The following ARL15 variants were observed in gnomAD, a reference collection of about 807,000 sequenced individuals.
ARL15 encodes the protein ADP-ribosylation factor-like protein 15.
ARL15 carries 19 observed loss-of-function variants against 25.2 expected under a neutral mutation model. The ratio of observed to expected loss-of-function variants is 0.75; its 90% CI spans 0.53 to 1.10. The LOEUF (loss-of-function observed/expected upper bound fraction) is 1.10. Ranked by LOEUF, ARL15 falls within the 50% of genes least tolerant of loss-of-function variation. ARL15 has a pLI of 0.00. For missense variants in ARL15, 220 were observed against 246.0 expected (o/e 0.89, Z 0.71); for synonymous variants, 94 against 86.8 (o/e 1.08, Z -0.46).
chr5:53,904,824 G>T (rs940784802), intron 4 of ARL15, among the ~76,000 whole-genome samples: 3 of 151,208 alleles, frequency 2.0e-5, no homozygotes, highest in East Asian at 1.9e-4. Flanking sequence ...TGCCTCCCGG[G>T]TTCAAGCAAT....
intron 4 of ARL15, among the ~76,000 whole-genome samples, chr5:53,985,671 A>C (rs916533680): frequency 6.6e-6 from 1 of 152,154 alleles, no homozygotes; most frequent in African/African-American, 2.4e-5. Flanking sequence ...ATAACATTCC[A>C]TTGCATGTGT....
intron 4 of ARL15, among the ~76,000 whole-genome samples, chr5:53,910,355 C>T (rs1275438825): frequency 1.3e-5 from 2 of 152,040 alleles, no homozygotes; most frequent in Non-Finnish European, 2.9e-5. Flanking sequence ...TGAAGGCTAC[C>T]AAATCACTTT....
chr5:54,194,260 A>C (rs1755491147), intron 1 of ARL15, among the ~76,000 whole-genome samples: 1 of 152,162 alleles, frequency 6.6e-6, no homozygotes, highest in African/African-American at 2.4e-5. Context: ...GCATGGACCC[A>C]CTGCGATGTT....
chr5:54,202,733 T>A (rs1486007612), intron 1 of ARL15, among the ~76,000 whole-genome samples: 1 of 152,208 alleles, frequency 6.6e-6, no homozygotes, highest in African/African-American at 2.4e-5. Flanking sequence ...TTCAGTTATA[T>A]AAAAGGTCAT....
At chr5:54,249,465 A>G (rs972934684) in intron 1 of ARL15, among the ~76,000 whole-genome samples, 3 of 152,178 alleles carry the variant, frequency 2.0e-5, no homozygotes, top group Admixed American at 2.0e-4. Flanking sequence ...AGTGAAGATA[A>G]CAGAGAAAAA....
rs374472790 is a variant in ARL15 at position 54,047,415 on chromosome 5, C to G, written c.462+65787G>C. On this transcript the variant is annotated intron_variant, in intron 4 of 4. Transcript: ENST00000504924. The stretch of plus-strand genomic sequence containing the variant: ...TCCTACTGCATGTTTCATGTCTCCC[C>G]GCAACATGGTGGATGTGGGGCTGGG... Among the ~76,000 whole-genome samples the G allele has an allele frequency of 1.8e-4, 27 of 152,216 alleles. No individual in the cohort carries two copies. In the South Asian group the frequency reaches 5.6e-3, roughly 32 times the overall value.
At chr5:54,278,019 C>T (rs1424398880) in intron 1 of ARL15, among the ~76,000 whole-genome samples, 1 of 152,176 alleles carries the variant, frequency 6.6e-6, no homozygotes, top group Non-Finnish European at 1.5e-5. Context: ...TTCATCTGGG[C>T]CGTTCAATGT....
chr5:54,120,261 G>T (rs1034243297), intron 3 of ARL15, among the ~76,000 whole-genome samples: 3 of 152,122 alleles, frequency 2.0e-5, no homozygotes, highest in African/African-American at 7.2e-5. Flanking sequence ...ACCCAGTTCT[G>T]CAAGGAATCT....
chr5:54,044,569 C>T (rs1015630734), intron 4 of ARL15, among the ~76,000 whole-genome samples: 21 of 152,002 alleles, frequency 1.4e-4, no homozygotes, highest in African/African-American at 4.6e-4. Flanking sequence ...TTTAAAGACA[C>T]ATTTTGAATT....
At chr5:54,155,947 A>T (rs568141121) in intron 2 of ARL15, among the ~76,000 whole-genome samples, 1 of 152,320 alleles carries the variant, frequency 6.6e-6, no homozygotes, top group East Asian at 1.9e-4. Context: ...GTTTTTAAGC[A>T]TTATTTAATA....
chr5:53,972,739 A>AAT (rs1289602575), intron 4 of ARL15, among the ~76,000 whole-genome samples: 1 of 152,116 alleles, frequency 6.6e-6, no homozygotes, highest in Non-Finnish European at 1.5e-5. Context: ...TGGAACATAA[A>AAT]ATATGAACCT....
intron 1 of ARL15, among the ~76,000 whole-genome samples, chr5:54,304,533 C>T (rs908421221): frequency 2.0e-5 from 3 of 152,148 alleles, no homozygotes; most frequent in Admixed American, 2.0e-4. Flanking sequence ...TCTCCTAGGG[C>T]TCATACTGTT....
At chr5:54,033,645 C>T (rs1445107565) in intron 4 of ARL15, among the ~76,000 whole-genome samples, 2 of 149,174 alleles carry the variant, frequency 1.3e-5, no homozygotes, top group African/African-American at 4.9e-5. Flanking sequence ...GTATTCTAGC[C>T]TGGGCAACAG....
At chr5:53,961,739 T>C (rs1747380066) in intron 4 of ARL15, among the ~76,000 whole-genome samples, 1 of 152,184 alleles carries the variant, frequency 6.6e-6, no homozygotes, top group African/African-American at 2.4e-5. Context: ...TTGTATGTAT[T>C]ATATTTCTGT....
intron 2 of ARL15, among the ~76,000 whole-genome samples, chr5:54,164,132 C>T (rs1057048487): frequency 4.0e-5 from 6 of 151,848 alleles, no homozygotes; most frequent in Non-Finnish European, 5.9e-5. Flanking sequence ...TTCTTTGATT[C>T]GTGGGTCATT....
intron 1 of ARL15, among the ~76,000 whole-genome samples, chr5:54,207,426 C>G (rs974362996): frequency 6.6e-6 from 1 of 152,164 alleles, no homozygotes; most frequent in Non-Finnish European, 1.5e-5. Context: ...CAGAATTGTT[C>G]ACACTGCACC....
At chr5:54,180,939 T>C (rs1755038001) in intron 1 of ARL15, among the ~76,000 whole-genome samples, 1 of 152,164 alleles carries the variant, frequency 6.6e-6, no homozygotes, top group South Asian at 2.1e-4. Flanking sequence ...AGAGTGCTGC[T>C]GCGCTGAACC....
chr5:54,292,624 T>C (rs1190620318), intron 1 of ARL15, among the ~76,000 whole-genome samples: 1 of 152,194 alleles, frequency 6.6e-6, no homozygotes, highest in East Asian at 1.9e-4. Context: ...CTAGTAACTA[T>C]ACCTATAGAA....
At chr5:54,076,924 T>C (rs1176338163) in intron 4 of ARL15, among the ~76,000 whole-genome samples, 2 of 152,186 alleles carry the variant, frequency 1.3e-5, no homozygotes, top group East Asian at 3.8e-4. Context: ...ACATAATCTG[T>C]CTGAAGCAAA....
Sources: gnomAD v4.1 joint callset for allele counts (sites outside exome capture counted in the v4.1 genomes callset) on GRCh38, gnomAD v4.1.1 for gene constraint, MANE v1.5 for transcripts, NCBI Gene and HGNC (gene_info 2026-07-23, HGNC 2026-07-21) for gene names.